Variants in CLPX observed in about 807,000 individuals in gnomAD.
The protein encoded by CLPX is ATP-dependent clpX-like chaperone, mitochondrial.
In CLPX, 34 loss-of-function variants were observed where a neutral mutation model predicts 76.4. The ratio of observed to expected loss-of-function variants is 0.45; its 90% CI spans 0.34 to 0.59. The LOEUF is 0.59. CLPX is among the 20% of genes least tolerant of loss of function. CLPX has a pLI of 0.01. For synonymous variants in CLPX, 248 were observed against 270.9 expected, an observed-to-expected ratio of 0.92 and a Z score of 0.83; for missense variants, 613 against 757.0, an observed-to-expected ratio of 0.81 and a Z score of 2.23.
chr15:65,178,863 C>T (rs1049735917), intron 3 of CLPX, 71 bp downstream of exon 3: 2 of 842,970 alleles, frequency 2.4e-6, no homozygotes, highest in Admixed American at 2.3e-5. Context: ...ACATAATTTA[C>T]ATATTTTTAT....
At chr15:65,155,561 G>C in intron 10 of CLPX, 131 bp downstream of exon 10, 1 of 764,914 alleles carries the variant, frequency 1.3e-6, no homozygotes, top group Non-Finnish European at 2.1e-6. Flanking sequence ...GTATATTTCT[G>C]ATATGCTCTA....
At chr15:65,182,476 T>C (rs1325662202) in intron 1 of CLPX, among the ~76,000 whole-genome samples, 1 of 152,260 alleles carries the variant, frequency 6.6e-6, no homozygotes, top group Non-Finnish European at 1.5e-5. Context: ...TACTATGATT[T>C]CAAAGTAGCA....
chr15:65,182,388 AGTT>A (rs1299043182), intron 1 of CLPX, among the ~76,000 whole-genome samples: 1 of 152,246 alleles, frequency 6.6e-6, no homozygotes, highest in Non-Finnish European at 1.5e-5. Flanking sequence ...ATAATGAAGT[AGTT>A]ATCAAAAAAT....
intron 5 of CLPX, 132 bp downstream of exon 5, chr15:65,163,897 T>C (rs1019511387): frequency 2.4e-5 from 20 of 818,116 alleles, no homozygotes; most frequent in Non-Finnish European, 3.6e-5. Flanking sequence ...AACACACTAA[T>C]GGGGAATAAC....
intron 1 of CLPX, among the ~76,000 whole-genome samples, chr15:65,182,314 T>C (rs182725977): frequency 2.0e-5 from 3 of 152,264 alleles, no homozygotes; most frequent in Non-Finnish European, 4.4e-5. Flanking sequence ...AGCCTCTGAA[T>C]AGATCTTCTC....
At chr15:65,173,331 C>T (rs1046917564) in intron 3 of CLPX, among the ~76,000 whole-genome samples, 24 of 141,930 alleles carry the variant, frequency 1.7e-4, no homozygotes, top group African/African-American at 6.5e-4. Context: ...AGTGCCACCG[C>T]ACTCCAACCT....
At chr15:65,161,112 A>G (rs896128340) in intron 6 of CLPX, among the ~76,000 whole-genome samples, 9 of 152,362 alleles carry the variant, frequency 5.9e-5, no homozygotes, top group African/African-American at 1.9e-4. Flanking sequence ...AGATAGTTTT[A>G]TAAGTGTTAC....
Position 65,150,688 on chromosome 15 carries a change from C to A in CLPX, c.*135G>T, listed in dbSNP as rs567272403. The A allele has an allele frequency of 8.0e-6, 4 of 498,076 alleles. No individual in the cohort carries two copies. The highest frequency in any genetic ancestry group is 3.1e-5 in the Admixed American group (1 of 32,260). 30.9% of individuals were successfully genotyped at this position (498,076 alleles called of 1,614,324 possible). A position where few individuals can be genotyped will look rare whatever the true frequency, so the allele number is the denominator to read the frequency against. ...TTACAATTATATACATGATCTGATT[C>A]TTCTCCTAAAGGCTTCTCTGACCAT... On this transcript the variant is annotated 3_prime_UTR_variant, in exon 14 of 14. Coordinates refer to ENST00000300107, the MANE Select transcript of CLPX (RefSeq NM_006660.5).
Position 65,154,828 on chromosome 15 carries a change from C to T in CLPX, c.1565G>A (p.Arg522Gln), listed in dbSNP as rs148226354. ...CTGGTACTGAGGAATAACAGCATTT[C>T]GTGGCTCAGTTAATATTTGTACAAG... is the stretch of plus-strand genomic sequence containing the variant. ...KTLVQILTEP[R>Q]NAVIPQYQAL... The change falls in exon 11 of 14, where the codon CGA becomes CAA. Residue 522 changes from arginine (R) to glutamine (Q), a missense_variant. Physicochemically the swap from Arg to Gln is conservative, Grantham distance 43. Transcript: ENST00000300107. The T allele has an allele frequency of 1.4e-5, 23 of 1,613,968 alleles. No homozygotes were observed. The highest frequency in any genetic ancestry group is 1.6e-5 in the Non-Finnish European group (19 of 1,179,936).
In CLPX at chr15:65,178,983, C is replaced by T; in HGVS notation, c.309G>A (p.Leu103=). ...ACAAGTCGCCACATTTAGGACAGCG[C>T]AGCTGGTTTCCACCTTTCCCAGAAT... ...SGNSGKGGNQ[L]RCPKCGDLCT... The change falls in exon 3 of 14, where the codon CTG becomes CTA. Residue 103 remains leucine (L), a synonymous_variant. Coordinates refer to ENST00000300107, the MANE Select transcript of CLPX (RefSeq NM_006660.5). The T allele has an allele frequency of 1.2e-6, 2 of 1,612,202 alleles. No homozygotes were observed. The highest frequency in any genetic ancestry group is 1.1e-5 in the South Asian group (1 of 90,830).
At position 65,179,002 on chromosome 15, in the gene CLPX, C is replaced by T; in HGVS notation, c.290G>A (p.Gly97Glu). ...ACAGCGCAGCTGGTTTCCACCTTTCCCAGAATTCCCAGAGCCTGATTTCTT... is the reference window on the plus strand; with the variant it reads ...ACAGCGCAGCTGGTTTCCACCTTTCTCAGAATTCCCAGAGCCTGATTTCTT... ...SSKKSGSGNS[G>E]KGGNQLRCPK... Residue 97 changes from glycine to glutamate, a missense_variant, in exon 3 of 14, where the codon GGG (glycine) becomes GAG (glutamate). Around this residue, in one of 2 missense-constraint regions of CLPX, gnomAD observed 450 missense variants for 638.6 expected, o/e 0.70. Coordinates refer to ENST00000300107, the MANE Select transcript of CLPX (RefSeq NM_006660.5). The T allele has an allele frequency of 6.2e-7, 1 of 1,612,228 alleles. No individual in the cohort carries two copies. The highest frequency in any genetic ancestry group is 8.5e-7 in the Non-Finnish European group (1 of 1,178,696).
rs1235392515 is a variant in CLPX at position 65,149,149 on chromosome 15, T to G, written c.*1674A>C. Reference sequence around the variant, plus strand: ...ATTTAGGTCAGCACATGGCTGTTACTATGACTGATACTGCATGCTATTTCT... The same window carrying G: ...ATTTAGGTCAGCACATGGCTGTTACGATGACTGATACTGCATGCTATTTCT... On this transcript the variant is annotated 3_prime_UTR_variant, in exon 14 of 14. Coordinates refer to ENST00000300107, the MANE Select transcript of CLPX (RefSeq NM_006660.5). The G allele has an allele frequency of 6.6e-6, 1 of 152,620 alleles. No homozygotes were observed. Among genetic ancestry groups the G allele is most frequent in the African/African-American group, 2.4e-5 (1 of 41,462 alleles). The allele number at this position is 152,620 out of a possible 1,614,324, so 9.5% of individuals were successfully genotyped here.
intron 8 of CLPX, 117 bp from the exon 9 acceptor site, chr15:65,157,049 T>G: frequency 1.6e-5 from 10 of 615,384 alleles, no homozygotes; most frequent in Non-Finnish European, 2.8e-5. Context: ...ATACTTAACA[T>G]ATCCAATAGC....
chr15:65,149,600 G>A lies in CLPX; in HGVS notation c.*1223C>T, dbSNP rs573138394. Reference sequence around the variant, plus strand: ...AATAAGGCCGGGTGTGGTGGCTTACGCCTGCAATCCCAGCACTTTGGGAGG... The same window carrying A: ...AATAAGGCCGGGTGTGGTGGCTTACACCTGCAATCCCAGCACTTTGGGAGG... On this transcript the variant is annotated 3_prime_UTR_variant, in exon 14 of 14. Coordinates refer to ENST00000300107, the MANE Select transcript of CLPX (RefSeq NM_006660.5). The A allele has an allele frequency of 2.0e-5, 9 of 452,010 alleles. No homozygotes were observed. The Middle Eastern group carries it at 9.8e-4, about 49-fold the overall frequency. 28.0% of individuals were successfully genotyped at this position (452,010 alleles called of 1,614,324 possible).
chr15:65,171,321 C>G (rs1039934013), intron 3 of CLPX, among the ~76,000 whole-genome samples: 35 of 152,106 alleles, frequency 2.3e-4, no homozygotes, highest in African/African-American at 8.0e-4. Flanking sequence ...TTGTCTTGTG[C>G]CTGTAATCCT....
intron 3 of CLPX, among the ~76,000 whole-genome samples, chr15:65,168,191 C>G (rs1263269683): frequency 6.6e-6 from 1 of 150,886 alleles, no homozygotes; most frequent in Non-Finnish European, 1.5e-5. Flanking sequence ...AGATCGAGAC[C>G]TGGCTAACAC....
At chr15:65,168,860 C>T (rs2087957304) in intron 3 of CLPX, among the ~76,000 whole-genome samples, 1 of 151,038 alleles carries the variant, frequency 6.6e-6, no homozygotes, top group African/African-American at 2.4e-5. Flanking sequence ...TTTTTCTTTT[C>T]TCTTTTTTTT....
chr15:65,151,036 G>C lies in CLPX; in HGVS notation c.1812-123C>G, dbSNP rs2087712424. 9 of 632,278 alleles carry C rather than the reference G, an allele frequency of 1.4e-5. No individual in the cohort carries two copies. The South Asian group carries it at 1.8e-4, about 13-fold the overall frequency. The allele number at this position is 632,278 out of a possible 1,614,324, so 39.2% of individuals were successfully genotyped here. On this transcript the variant is annotated intron_variant, in intron 13 of 13. Transcript: ENST00000300107. ...AAGCCACGATAATAGAAAATATTAG[G>C]AGCACTTTTAATATTAAGACGGCTT...
chr15:65,158,770 G>A lies in CLPX; in HGVS notation c.716-19C>T. ...AGCAATTCTGAAAAAAATGCCAAAGGAATTACTTGAGCTTCATTTGAATTT... is the reference window on the plus strand; with the variant it reads ...AGCAATTCTGAAAAAAATGCCAAAGAAATTACTTGAGCTTCATTTGAATTT... On this transcript the variant is annotated intron_variant, in intron 6 of 13. Coordinates refer to ENST00000300107, the MANE Select transcript of CLPX (RefSeq NM_006660.5). 6.5e-7 allele frequency: 1 copy of A among 1,541,816 alleles called. No individual in the cohort carries two copies. Among genetic ancestry groups the A allele is most frequent in the African/African-American group, 1.4e-5 (1 of 72,346 alleles).
Sources: allele counts gnomAD v4.1 joint callset (sites outside exome capture counted in the v4.1 genomes callset), GRCh38; gene constraint gnomAD v4.1.1; regional missense constraint gnomAD v4.1.1; transcripts MANE v1.5; gene names NCBI Gene and HGNC (gene_info 2026-07-23, HGNC 2026-07-21).